Variants in TPRG1 observed in about 807,000 individuals in gnomAD.
The protein encoded by TPRG1 is tumor protein p63-regulated gene 1 protein.
TPRG1 carries 29 observed loss-of-function variants against 29.3 expected under a neutral mutation model. That is an observed-to-expected ratio of 0.99 (90% confidence interval 0.74 to 1.35). The LOEUF (loss-of-function observed/expected upper bound fraction) is 1.35. Ranked by LOEUF, TPRG1 falls within the 40% of genes most tolerant of loss-of-function variation. The pLI, the probability that TPRG1 is intolerant of heterozygous loss-of-function variation, is 0.00. For missense variants in TPRG1, 327 were observed against 335.0 expected (o/e 0.98, Z 0.19); for synonymous variants, 130 against 116.8 (o/e 1.11, Z -0.73).
At chr3:189,216,606 C>T (rs1280467711) in intron 3 of TPRG1, among the ~76,000 whole-genome samples, 1 of 152,164 alleles carries the variant, frequency 6.6e-6, no homozygotes, top group Admixed American at 6.5e-5. Context: ...AGCAAAATGC[C>T]TAGCACATGG....
intron 5 of TPRG1, among the ~76,000 whole-genome samples, chr3:189,161,573 C>T (rs1321359950): frequency 6.6e-6 from 1 of 152,082 alleles, no homozygotes; most frequent in East Asian, 1.9e-4. Context: ...GGCCCAAAAG[C>T]CTGGCAGTAG....
At chr3:189,307,783 A>G in intron 4 of TPRG1, among the ~76,000 whole-genome samples, 1 of 152,176 alleles carries the variant, frequency 6.6e-6, no homozygotes, top group East Asian at 1.9e-4. Flanking sequence ...ATAGCTTCCA[A>G]GAGCCCTTCT....
chr3:189,120,132 T>C (rs192761996), intron 1 of TPRG1: 1 of 152,316 alleles, frequency 6.6e-6, no homozygotes, highest in Non-Finnish European at 1.5e-5. Context: ...GCAGTGGCAA[T>C]GACCACTATG....
At chr3:189,124,843 T>TA (rs1182223969) in intron 1 of TPRG1, among the ~76,000 whole-genome samples, 1 of 152,186 alleles carries the variant, frequency 6.6e-6, no homozygotes, top group Admixed American at 6.5e-5. Context: ...GTTCAATGGG[T>TA]AAATGATGGC....
chr3:189,217,750 T>A lies in TPRG1; in HGVS notation c.302+2367T>A, dbSNP rs145001979. ...TGGTCCAAATAAATGAGGTTCCTAG[T>A]CTAGCCACTGTTACTTTTCAAGCAG... On this transcript the variant is annotated intron_variant, in intron 3 of 5. Transcript: ENST00000345063. The A allele has an allele frequency of 1.9e-3, 1,661 of 877,562 alleles. 29 individuals carry two copies. The African/African-American group carries it at 0.028, about 15-fold the overall frequency. 54.4% of individuals were successfully genotyped at this position (877,562 alleles called of 1,614,324 possible). A position where few individuals can be genotyped will look rare whatever the true frequency, so the allele number is the denominator to read the frequency against.
At chr3:189,111,162 G>C (rs1156471824) in intron 1 of TPRG1, among the ~76,000 whole-genome samples, 1 of 151,748 alleles carries the variant, frequency 6.6e-6, no homozygotes, top group African/African-American at 2.4e-5. Flanking sequence ...AGGTTAATTT[G>C]GGGGAAATTA....
At chr3:189,134,026 C>T (rs890339011) in intron 3 of TPRG1, among the ~76,000 whole-genome samples, 1 of 152,150 alleles carries the variant, frequency 6.6e-6, no homozygotes, top group African/African-American at 2.4e-5. Flanking sequence ...TTTATTGCTG[C>T]TTGGAATGTT....
chr3:189,009,293 C>T (rs1344063781), intron 3 of TPRG1, among the ~76,000 whole-genome samples: 2 of 151,960 alleles, frequency 1.3e-5, no homozygotes, highest in South Asian at 4.2e-4. Flanking sequence ...AAAACTTAAC[C>T]CTATTAACTC....
chr3:189,105,964 G>C (rs1719771500), intron 1 of TPRG1, among the ~76,000 whole-genome samples: 1 of 152,000 alleles, frequency 6.6e-6, no homozygotes, highest in Non-Finnish European at 1.5e-5. Context: ...CCTAGGCGAT[G>C]GGTTGACAGG....
chr3:189,102,052 C>A (rs1719269732), intron 1 of TPRG1, among the ~76,000 whole-genome samples: 2 of 152,164 alleles, frequency 1.3e-5, no homozygotes, highest in African/African-American at 4.8e-5. Flanking sequence ...TCTCCTCTCT[C>A]TATCTCTTAA....
intron 4 of TPRG1, among the ~76,000 whole-genome samples, chr3:189,250,874 G>C (rs1044686056): frequency 6.6e-6 from 1 of 151,964 alleles, no homozygotes; most frequent in Non-Finnish European, 1.5e-5. Flanking sequence ...CCCAGGAAAA[G>C]GCAGAGCTGA....
intron 3 of TPRG1, among the ~76,000 whole-genome samples, chr3:189,142,923 T>A (rs1724765968): frequency 6.6e-6 from 1 of 152,198 alleles, no homozygotes; most frequent in African/African-American, 2.4e-5. Context: ...TTTTAAAAAC[T>A]TTCACCTTTA....
At chr3:189,161,725 G>A (rs952542157) in intron 5 of TPRG1, among the ~76,000 whole-genome samples, 2 of 152,158 alleles carry the variant, frequency 1.3e-5, no homozygotes, top group African/African-American at 2.4e-5. Context: ...TAATGTGACA[G>A]CTCTTGCTGT....
rs558903467 is a variant in TPRG1, at chr3:189,004,848, T to G, written c.-660+88T>G. On this transcript the variant is annotated intron_variant, in intron 3 of 10. Transcript: ENST00000433971. The stretch of plus-strand genomic sequence containing the variant: ...TATCCTAACCCATACTGCCCATTTT[T>G]TAAAATTTTATTTTTATTTTTAATT... 7 of 152,276 alleles carry G rather than the reference T, an allele frequency of 4.6e-5. No homozygotes were observed. The South Asian group carries it at 1.4e-3, about 32-fold the overall frequency. The allele number at this position is 152,276 out of a possible 1,614,324, so 9.4% of individuals were successfully genotyped here.
At chr3:189,022,612 G>C (rs961681087) in intron 3 of TPRG1, among the ~76,000 whole-genome samples, 8 of 152,060 alleles carry the variant, frequency 5.3e-5, no homozygotes, top group African/African-American at 1.9e-4. Flanking sequence ...GCTGCGTGCT[G>C]GGAGAACTAC....
At chr3:189,075,410 A>C (rs1323892531) in intron 4 of TPRG1, among the ~76,000 whole-genome samples, 1 of 152,182 alleles carries the variant, frequency 6.6e-6, no homozygotes, top group African/African-American at 2.4e-5. Context: ...GCTAGGATTT[A>C]CAGGAGTGAG....
chr3:189,049,560 C>A (rs1322511664), intron 4 of TPRG1, among the ~76,000 whole-genome samples: 1 of 152,176 alleles, frequency 6.6e-6, no homozygotes, highest in Non-Finnish European at 1.5e-5. Flanking sequence ...CCTTCCCTAT[C>A]CACACAGGTA....
intron 5 of TPRG1, among the ~76,000 whole-genome samples, chr3:189,317,788 G>A (rs1723782035): frequency 6.6e-6 from 1 of 152,172 alleles, no homozygotes; most frequent in South Asian, 2.1e-4. Flanking sequence ...TATATAAAAT[G>A]TTCTCTGATA....
intron 1 of TPRG1, among the ~76,000 whole-genome samples, chr3:189,177,439 C>T (rs1442077645): frequency 6.6e-6 from 1 of 150,404 alleles, no homozygotes; most frequent in Non-Finnish European, 1.5e-5. Flanking sequence ...TATATGTATA[C>T]ATATATATGT....
Sources: gnomAD v4.1 joint callset for allele counts (sites outside exome capture counted in the v4.1 genomes callset) on GRCh38, gnomAD v4.1.1 for gene constraint, MANE v1.5 for transcripts, NCBI Gene and HGNC (gene_info 2026-07-23, HGNC 2026-07-21) for gene names.